IL1RAPL2: variants seen among roughly 807,000 people sequenced by gnomAD.
IL1RAPL2 encodes X-linked interleukin-1 receptor accessory protein-like 2.
IL1RAPL2 carries 3 observed loss-of-function variants against 44.1 expected under a neutral mutation model. The ratio of observed to expected loss-of-function variants is 0.07; its 90% CI spans 0.03 to 0.18. IL1RAPL2 has a LOEUF of 0.18. Ranked by LOEUF, IL1RAPL2 falls within the 10% of genes least tolerant of loss-of-function variation. IL1RAPL2 has a pLI of 1.00. For missense variants in IL1RAPL2, 391 were observed against 496.4 expected, an observed-to-expected ratio of 0.79 and a Z score of 2.02; for synonymous variants, 181 against 178.8, an observed-to-expected ratio of 1.01 and a Z score of -0.10.
intron 6 of IL1RAPL2, among the ~76,000 whole-genome samples, chrX:105,682,747 C>G (rs2037935881): frequency 8.9e-6 from 1 of 111,998 alleles, no homozygotes; most frequent in Admixed American, 9.5e-5. Flanking sequence ...ATCAATAAAC[C>G]TAATTATTTT....
chrX:105,063,667 G>A (rs1000629996), intron 2 of IL1RAPL2, among the ~76,000 whole-genome samples: 1 of 111,464 alleles, frequency 9.0e-6, no homozygotes, highest in African/African-American at 3.3e-5. Context: ...TTTAGTCTGG[G>A]TTTCTTTTGT....
intron 2 of IL1RAPL2, among the ~76,000 whole-genome samples, chrX:104,723,823 C>G (rs1419621105): frequency 9.0e-6 from 1 of 111,123 alleles, no homozygotes; most frequent in Non-Finnish European, 1.9e-5. Flanking sequence ...CCCTGAGTTT[C>G]CTGGCAGAAG....
intron 7 of IL1RAPL2, among the ~76,000 whole-genome samples, chrX:105,738,082 C>A (rs1163092658): frequency 9.0e-6 from 1 of 111,368 alleles, no homozygotes; most frequent in Admixed American, 9.6e-5. Flanking sequence ...CAACTTTAAG[C>A]CCTTCCTGCT....
chrX:104,817,026 A>G (rs930119559), intron 2 of IL1RAPL2, among the ~76,000 whole-genome samples: 8 of 112,669 alleles, frequency 7.1e-5, no homozygotes, highest in Non-Finnish European at 1.3e-4. Context: ...ATACAGGGGG[A>G]ACTCTTAATT....
intron 1 of IL1RAPL2, among the ~76,000 whole-genome samples, chrX:104,624,627 C>A (rs1237368146): frequency 2.7e-5 from 3 of 111,590 alleles, no homozygotes; most frequent in Non-Finnish European, 5.7e-5. Context: ...AGGTAAGATG[C>A]ATTTAGTTTT....
chrX:104,776,905 C>T (rs998663619), intron 2 of IL1RAPL2, among the ~76,000 whole-genome samples: 6 of 111,456 alleles, frequency 5.4e-5, no homozygotes, highest in Non-Finnish European at 1.1e-4. Context: ...TTTTACCTAA[C>T]GCTCTTTTTC....
chrX:105,508,651 GA>G (rs113178674), intron 6 of IL1RAPL2, among the ~76,000 whole-genome samples: 7 of 96,987 alleles, frequency 7.2e-5, no homozygotes, highest in African/African-American at 1.5e-4. Flanking sequence ...TGGCAGAAAA[GA>G]AAAAAAAAAT....
intron 2 of IL1RAPL2, among the ~76,000 whole-genome samples, chrX:105,102,506 G>T (rs1473494257): frequency 1.8e-5 from 2 of 111,935 alleles, no homozygotes; most frequent in Non-Finnish European, 3.8e-5. Flanking sequence ...AACCAATTGT[G>T]TGTGTATGTA....
At chrX:105,742,633 T>C in intron 8 of IL1RAPL2, among the ~76,000 whole-genome samples, 1 of 111,257 alleles carries the variant, frequency 9.0e-6, no homozygotes, top group Non-Finnish European at 1.9e-5. Flanking sequence ...TCCAAATATT[T>C]AAATATTGGA....
At chrX:105,742,347 G>T (rs930496496) in intron 8 of IL1RAPL2, among the ~76,000 whole-genome samples, 1 of 111,106 alleles carries the variant, frequency 9.0e-6, no homozygotes, top group Non-Finnish European at 1.9e-5. Context: ...TTAAAATTCC[G>T]CAAAAGATAC....
intron 2 of IL1RAPL2, among the ~76,000 whole-genome samples, chrX:105,035,320 G>T (rs751614540): frequency 1.8e-5 from 2 of 111,929 alleles, no homozygotes; most frequent in South Asian, 7.5e-4. Flanking sequence ...AAAATCACCT[G>T]TCTGCTGTGT....
chrX:104,849,069 A>G (rs1922147205), intron 2 of IL1RAPL2, among the ~76,000 whole-genome samples: 1 of 109,939 alleles, frequency 9.1e-6, no homozygotes, highest in South Asian at 4.0e-4. Context: ...GTGCAGTGGC[A>G]CAATCACAGG....
intron 2 of IL1RAPL2, among the ~76,000 whole-genome samples, chrX:104,684,782 G>T (rs1417441620): frequency 1.8e-5 from 2 of 112,331 alleles, no homozygotes; most frequent in Non-Finnish European, 3.8e-5. Flanking sequence ...GGTTTTGCTG[G>T]AATAAAGTGC....
intron 2 of IL1RAPL2, among the ~76,000 whole-genome samples, chrX:104,795,077 A>C (rs1299755697): frequency 9.0e-6 from 1 of 111,697 alleles, no homozygotes; most frequent in Non-Finnish European, 1.9e-5. Context: ...CTCATAGGAA[A>C]GTATAAAGTG....
chrX:104,757,053 A>C (rs771452538), intron 2 of IL1RAPL2, among the ~76,000 whole-genome samples: 1 of 111,194 alleles, frequency 9.0e-6, no homozygotes, highest in Admixed American at 9.6e-5. Context: ...GAGAGAGTGA[A>C]GCTCTGACTT....
At chrX:104,753,394 T>G (rs776412290) in intron 2 of IL1RAPL2, among the ~76,000 whole-genome samples, 118 of 111,187 alleles carry the variant, frequency 1.1e-3, no homozygotes, top group South Asian at 1.9e-3. Flanking sequence ...TGTTACTTTC[T>G]TCTGATCACC....
At chrX:105,441,129 C>T (rs995956941) in intron 5 of IL1RAPL2, among the ~76,000 whole-genome samples, 2 of 111,787 alleles carry the variant, frequency 1.8e-5, no homozygotes, top group Non-Finnish European at 3.8e-5. Flanking sequence ...TTATGGACAA[C>T]GTAAAGTGCT....
At chrX:105,712,844 T>A (rs1382941301) in intron 6 of IL1RAPL2, among the ~76,000 whole-genome samples, 1 of 112,101 alleles carries the variant, frequency 8.9e-6, no homozygotes, top group Non-Finnish European at 1.9e-5. Flanking sequence ...GTTAGTTACT[T>A]CCAAGATACA....
At chrX:105,601,681 T>C (rs2037253102) in intron 6 of IL1RAPL2, among the ~76,000 whole-genome samples, 1 of 110,445 alleles carries the variant, frequency 9.1e-6, no homozygotes, top group Non-Finnish European at 1.9e-5. Flanking sequence ...TCACATTAAG[T>C]CCCCTCTCAG....
Sources: allele counts gnomAD v4.1 joint callset (sites outside exome capture counted in the v4.1 genomes callset), GRCh38; gene constraint gnomAD v4.1.1; transcripts MANE v1.5; gene names NCBI Gene and HGNC (gene_info 2026-07-23, HGNC 2026-07-21).